GCN1: variants seen among roughly 807,000 people sequenced by gnomAD.
GCN1 encodes the protein GCN1 activator of EIF2AK4.
Under a neutral mutation model 288.4 loss-of-function variants are expected in GCN1, and 90 were observed. The ratio of observed to expected loss-of-function variants is 0.31; its 90% CI spans 0.26 to 0.37. GCN1 has a LOEUF of 0.37. Among genes scored for constraint, GCN1 ranks in the 10% least tolerant of loss-of-function variants. The pLI is 1.00. For synonymous variants in GCN1, 1,386 were observed against 1,420.2 expected (o/e 0.98, Z 0.54); for missense variants, 2,586 against 3,419.9 (o/e 0.76, Z 6.08).
At position 120,153,237 on chromosome 12, in the gene GCN1, A is replaced by G; in HGVS notation, c.4038T>C (p.Ala1346=). 6.2e-7 allele frequency: 1 copy of G among 1,614,178 alleles called. No homozygotes were observed. Among genetic ancestry groups the G allele is most frequent in the African/African-American group, 1.3e-5 (1 of 75,054 alleles). ...KVKPIVAKLI[A]ALSTPSQQVQ... is the part of the protein sequence containing the mutation. ...CCTGCTGGGAGGGGGTGGAGAGGGC[A>G]GCGATGAGCTTGGCAACAATGGGCT... Residue 1346 remains alanine, a synonymous_variant, in exon 33 of 58, where the codon GCT becomes GCC. Transcript: ENST00000300648. The surrounding 1 kb of genome is among the most constrained non-coding windows in gnomAD (Gnocchi z 4.4).
Position 120,147,137 on chromosome 12 carries a change from T to C in GCN1, c.4862A>G (p.Gln1621Arg). Residue 1621 changes from glutamine (Q) to arginine (R), a missense_variant, in exon 38 of 58, where the codon CAG becomes CGG. Transcript: ENST00000300648. The part of the protein sequence containing the change: ...PSLALIMPIV[Q>R]RAFQDRSTDT... ...CGTGGAACGGTCCTGGAAGGCTCTC[T>C]GGACAATGGGCATGATGAGGGCCAG... 1 of 1,612,728 alleles carries C rather than the reference T, an allele frequency of 6.2e-7. No individual in the cohort carries two copies. The highest frequency in any genetic ancestry group is 8.5e-7 in the Non-Finnish European group (1 of 1,179,132).
rs1032566536 is a variant in GCN1 at position 120,184,814 on chromosome 12, T to C, written c.185+10A>G. 1.9e-6 allele frequency: 3 copies of C among 1,597,082 alleles called. No homozygotes were observed. In the African/African-American group the frequency reaches 4.0e-5, roughly 21 times the overall value. On this transcript the variant is annotated intron_variant, in intron 3 of 57. Coordinates refer to ENST00000300648, the MANE Select transcript of GCN1 (RefSeq NM_006836.2). ...GTGCTCCACATATGGGGCCTTTGGC[T>C]GGGACTCACCTATATCGATGCAGAG... is the stretch of plus-strand genomic sequence containing the variant.
Position 120,144,995 on chromosome 12 carries a change from C to T in GCN1, c.5083G>A (p.Asp1695Asn). 6.2e-7 allele frequency: 1 copy of T among 1,614,084 alleles called. No individual in the cohort carries two copies. Among genetic ancestry groups the T allele is most frequent in the African/African-American group, 1.3e-5 (1 of 75,060 alleles). The change falls in exon 40 of 58, where the codon GAC becomes AAC. Residue 1695 changes from aspartate (D) to asparagine (N), a missense_variant. Coordinates refer to ENST00000300648, the MANE Select transcript of GCN1 (RefSeq NM_006836.2). The surrounding 1 kb of genome is among the most constrained non-coding windows in gnomAD (Gnocchi z 4.7). Reference sequence around the variant, plus strand: ...GTCTCCATCAGCCACGGCAGCAAGTCCTCAAAGCACGACTCCCCCATGCCC... The same window carrying T: ...GTCTCCATCAGCCACGGCAGCAAGTTCTCAAAGCACGACTCCCCCATGCCC... The part of the protein sequence containing the change: ...VKGMGESCFE[D>N]LLPWLMETLT...
intron 1 of GCN1, among the ~76,000 whole-genome samples, chr12:120,192,845 G>C (rs1879049116): frequency 1.3e-5 from 2 of 151,920 alleles, no homozygotes; most frequent in African/African-American, 4.8e-5. Context: ...AGAAGTTCGA[G>C]ACCAGCCTAC....
At chr12:120,154,049 C>T (rs1877660350) in intron 31 of GCN1, 140 bp from the exon 32 acceptor site, 2 of 663,292 alleles carry the variant, frequency 3.0e-6, no homozygotes, top group South Asian at 1.9e-5. Context: ...GCCTGAAGCC[C>T]ACCACCCAGT....
chr12:120,137,942 G>C lies in GCN1; in HGVS notation c.6352C>G (p.Leu2118Val). ...GTCCCAAGCTTTTCCTTCAGGGCCA[G>C]CATGACCGCTGGGAGGATCACGCCA... The part of the protein sequence containing the change: ...HLGVILPAVM[L>V]ALKEKLGTPD... Residue 2118 changes from leucine (L) to valine (V), a missense_variant, in exon 48 of 58, where the codon CTG (leucine) becomes GTG (valine). By Grantham distance (32) the Leu-to-Val change is conservative. Coordinates refer to ENST00000300648, the MANE Select transcript of GCN1 (RefSeq NM_006836.2). The surrounding 1 kb of genome is among the most constrained non-coding windows in gnomAD (Gnocchi z 5.2). 1 of 1,614,176 alleles carries C rather than the reference G, an allele frequency of 6.2e-7. No individual in the cohort carries two copies. Among genetic ancestry groups the C allele is most frequent in the South Asian group, 1.1e-5 (1 of 91,082 alleles).
intron 15 of GCN1, 35 bp downstream of exon 15, chr12:120,170,134 T>C (rs1162411439): frequency 1.9e-6 from 3 of 1,598,020 alleles, no homozygotes. Context: ...CAGAGGCCCC[T>C]GTCTCTACCA....
intron 46 of GCN1, 136 bp downstream of exon 46, chr12:120,138,559 G>T: frequency 9.5e-7 from 1 of 1,055,564 alleles, no homozygotes; most frequent in South Asian, 1.4e-5. Flanking sequence ...ACAAAGCCAA[G>T]TCTGATCTTG....
At chr12:120,136,400 T>C in intron 51 of GCN1, 102 bp downstream of exon 51, 2 of 858,114 alleles carry the variant, frequency 2.3e-6, no homozygotes, top group South Asian at 3.2e-5. Context: ...TATGCGGCTC[T>C]CCACAATAAA....
At chr12:120,152,413 AAT>A (rs1349919816) in intron 33 of GCN1, among the ~76,000 whole-genome samples, 3 of 132,934 alleles carry the variant, frequency 2.3e-5, no homozygotes, top group South Asian at 4.8e-4. Flanking sequence ...ACACACACAA[AAT>A]ATATATATAT....
chr12:120,149,423 A>G (rs1220032032), intron 36 of GCN1, among the ~76,000 whole-genome samples, 183 bp downstream of exon 36: 1 of 152,152 alleles, frequency 6.6e-6, no homozygotes, highest in East Asian at 1.9e-4. Context: ...TTGAGCCCCA[A>G]AGGTAAAGAC....
At chr12:120,141,643 G>A (rs1165024295) in intron 44 of GCN1, among the ~76,000 whole-genome samples, 1 of 152,162 alleles carries the variant, frequency 6.6e-6, no homozygotes, top group African/African-American at 2.4e-5. Context: ...CCCTACTGGT[G>A]CTATGTTCCT....
chr12:120,167,042 T>A (rs560376808), intron 16 of GCN1, among the ~76,000 whole-genome samples: 4 of 150,078 alleles, frequency 2.7e-5, no homozygotes, highest in Non-Finnish European at 5.9e-5. Flanking sequence ...CAAATTACTA[T>A]GGAGTTATAA....
chr12:120,163,939 A>G (rs187753008), intron 18 of GCN1, among the ~76,000 whole-genome samples: 53 of 152,310 alleles, frequency 3.5e-4, no homozygotes, highest in African/African-American at 1.2e-3. Flanking sequence ...CCTGGGCGAC[A>G]TGGCGAGACC....
intron 1 of GCN1, among the ~76,000 whole-genome samples, chr12:120,191,356 A>C (rs949637434): frequency 6.6e-6 from 1 of 152,254 alleles, no homozygotes; most frequent in Non-Finnish European, 1.5e-5. Flanking sequence ...GGACATAAGC[A>C]TAAGACCCAG....
intron 5 of GCN1, among the ~76,000 whole-genome samples, chr12:120,180,706 T>TGG (rs1347195481): frequency 2.0e-5 from 3 of 149,554 alleles, no homozygotes; most frequent in African/African-American, 7.4e-5. Flanking sequence ...GATATGCTTG[T>TGG]GGCCGGGCGC....
At chr12:120,182,516 C>T (rs967559717) in intron 5 of GCN1, among the ~76,000 whole-genome samples, 43 of 152,208 alleles carry the variant, frequency 2.8e-4, no homozygotes, top group African/African-American at 1.0e-3. Context: ...GTCATCTCAA[C>T]CCTCAACGAA....
intron 15 of GCN1, among the ~76,000 whole-genome samples, chr12:120,168,931 G>A (rs1878219850): frequency 6.6e-6 from 1 of 152,172 alleles, no homozygotes. Context: ...TACATGAGGA[G>A]AGCTGAGCTC....
rs1877059510 is a variant in GCN1, at chr12:120,137,803, A to G, written c.6405T>C (p.Asn2135=). ...CTACGGAGAGGATCACAGCCTGACA[A>G]TTGGCCATCTCCTGCAAACCACAAG... ...GTPDEQLEMA[N]CQAVILSVED... Residue 2135 remains asparagine, a synonymous_variant, in exon 49 of 58, where the codon AAT becomes AAC. Transcript: ENST00000300648. The surrounding 1 kb of genome is among the most constrained non-coding windows in gnomAD (Gnocchi z 5.2). 2 of 1,613,442 alleles carry G rather than the reference A, an allele frequency of 1.2e-6. No individual in the cohort carries two copies. Among genetic ancestry groups the G allele is most frequent in the East Asian group, 2.2e-5 (1 of 44,866 alleles).
Sources: gnomAD v4.1 joint callset for allele counts (sites outside exome capture counted in the v4.1 genomes callset) on GRCh38, gnomAD v4.1.1 for gene constraint, Gnocchi (gnomAD v3.1) non-coding constraint, MANE v1.5 for transcripts, NCBI Gene and HGNC (gene_info 2026-07-23, HGNC 2026-07-21) for gene names.